The following SLC39A10 variants were observed in gnomAD, a reference collection of about 807,000 sequenced individuals.
The protein encoded by SLC39A10 is zinc transporter ZIP10.
Under a neutral mutation model 65.1 loss-of-function variants are expected in SLC39A10, and 13 were observed. The ratio of observed to expected loss-of-function variants is 0.20; its 90% CI spans 0.13 to 0.32. The LOEUF is 0.32. Among genes scored for constraint, SLC39A10 ranks in the 10% least tolerant of loss-of-function variants. The pLI, the probability that SLC39A10 is intolerant of heterozygous loss-of-function variation, is 1.00. For synonymous variants in SLC39A10, 321 were observed against 342.2 expected (o/e 0.94, Z 0.68); for missense variants, 831 against 1,018.4 (o/e 0.82, Z 2.50).
intron 8 of SLC39A10, among the ~76,000 whole-genome samples, chr2:195,725,060 A>G (rs1391954959): frequency 6.6e-6 from 1 of 152,186 alleles, no homozygotes; most frequent in East Asian, 1.9e-4. Flanking sequence ...CGCTGTAACA[A>G]TTGGACATCT....
In SLC39A10 at chr2:195,735,669, A is replaced by G. The variant is rs1333317272; in HGVS notation, c.*628A>G. 6.6e-6 allele frequency: 1 copy of G among 152,608 alleles called. No homozygotes were observed. The highest frequency in any genetic ancestry group is 1.5e-5 in the Non-Finnish European group (1 of 68,022). The allele number at this position is 152,608 out of a possible 1,614,324, so 9.5% of individuals were successfully genotyped here. On this transcript the variant is annotated 3_prime_UTR_variant, in exon 10 of 10. Coordinates refer to ENST00000359634, the MANE Select transcript of SLC39A10 (RefSeq NM_020342.3). Reference sequence around the variant, plus strand: ...TGCATAGTGTTTAAACCTGCAGCCTAAACTACTGAAATTTGTGATTGTATG... The same window carrying G: ...TGCATAGTGTTTAAACCTGCAGCCTGAACTACTGAAATTTGTGATTGTATG...
chr2:195,684,645 C>A (rs1312169952), intron 3 of SLC39A10, among the ~76,000 whole-genome samples: 1 of 151,332 alleles, frequency 6.6e-6, no homozygotes, highest in East Asian at 1.9e-4. Context: ...TTTTCCCATT[C>A]TATAATCAGG....
At chr2:195,630,101 A>G (rs1188550220) in intron 2 of SLC39A10, among the ~76,000 whole-genome samples, 5 of 81,314 alleles carry the variant, frequency 6.1e-5, no homozygotes, top group African/African-American at 3.1e-4. Flanking sequence ...AACTCATTTT[A>G]TATGTGTGTG....
At chr2:195,642,815 T>C (rs1223725472) in intron 2 of SLC39A10, among the ~76,000 whole-genome samples, 1 of 152,058 alleles carries the variant, frequency 6.6e-6, no homozygotes, top group Non-Finnish European at 1.5e-5. Flanking sequence ...TAGAGTAGAA[T>C]AATATATAAG....
intron 3 of SLC39A10, among the ~76,000 whole-genome samples, chr2:195,686,511 C>G (rs1690532941): frequency 6.6e-6 from 1 of 152,200 alleles, no homozygotes; most frequent in Non-Finnish European, 1.5e-5. Context: ...GATCACGCCA[C>G]TGCACTCCAG....
intron 8 of SLC39A10, among the ~76,000 whole-genome samples, chr2:195,719,247 C>T (rs527491554): frequency 6.6e-6 from 1 of 151,226 alleles, no homozygotes; most frequent in Non-Finnish European, 1.5e-5. Context: ...CGCTTTGATT[C>T]GCTTTCCTGA....
chr2:195,624,981 G>A (rs1212396873), intron 2 of SLC39A10, among the ~76,000 whole-genome samples: 1 of 151,048 alleles, frequency 6.6e-6, no homozygotes, highest in African/African-American at 2.4e-5. Context: ...GAAAGACCGA[G>A]GCGGGTGGAT....
intron 5 of SLC39A10, among the ~76,000 whole-genome samples, chr2:195,710,003 A>G (rs1355169883): frequency 6.6e-6 from 1 of 152,204 alleles, no homozygotes; most frequent in Non-Finnish European, 1.5e-5. Flanking sequence ...GGAAGAAAAT[A>G]AAATGAAATG....
At chr2:195,661,647 G>A (rs1425368795) in intron 1 of SLC39A10, among the ~76,000 whole-genome samples, 1 of 152,124 alleles carries the variant, frequency 6.6e-6, no homozygotes, top group Admixed American at 6.6e-5. Context: ...ATTCTGTGTC[G>A]AATACTGTTT....
chr2:195,727,710 A>T (rs1692295668), intron 8 of SLC39A10, among the ~76,000 whole-genome samples: 1 of 152,140 alleles, frequency 6.6e-6, no homozygotes, highest in Non-Finnish European at 1.5e-5. Context: ...TTTGACATTT[A>T]AGTTGTACAG....
At chr2:195,619,114 A>AAAAAAAGAG (rs1553490931) in intron 2 of SLC39A10, among the ~76,000 whole-genome samples, 8 of 131,974 alleles carry the variant, frequency 6.1e-5, no homozygotes, top group African/African-American at 2.5e-4. Context: ...AAAAAAAAAA[A>AAAAAAAGAG]AGAGAGAGAG....
At chr2:195,711,372 G>T (rs551345520) in intron 5 of SLC39A10, among the ~76,000 whole-genome samples, 1 of 152,238 alleles carries the variant, frequency 6.6e-6, no homozygotes, top group Non-Finnish European at 1.5e-5. Flanking sequence ...TACAAGAATG[G>T]AGTCACCAAA....
rs11356816 is a variant in SLC39A10 at position 195,644,143 on chromosome 2, ATTT to A, written c.-11-35874_-11-35872del. ...ATTTAATTAGGTTAAATGTACATTCATTTTTTTTTTTTTTTTTAATTTCCTTCC... is the reference window on the plus strand; with the variant it reads ...ATTTAATTAGGTTAAATGTACATTCATTTTTTTTTTTTTTAATTTCCTTCC... On this transcript the variant is annotated intron_variant, in intron 2 of 2. Coordinates refer to the SLC39A10 transcript ENST00000458054. Among the ~76,000 whole-genome samples, 1,237 of 145,004 alleles carry A rather than the reference ATTT, an allele frequency of 8.5e-3. 3 individuals carry two copies. Among genetic ancestry groups the A allele is most frequent in the East Asian group, 0.031 (152 of 4,972 alleles).
intron 2 of SLC39A10, among the ~76,000 whole-genome samples, chr2:195,641,880 C>T (rs753980720): frequency 1.3e-5 from 2 of 151,938 alleles, no homozygotes; most frequent in African/African-American, 2.4e-5. Context: ...TTAGTAGAGA[C>T]GGGTTTTCAC....
intron 5 of SLC39A10, among the ~76,000 whole-genome samples, chr2:195,712,296 C>A (rs1691626212): frequency 6.6e-6 from 1 of 152,214 alleles, no homozygotes; most frequent in Non-Finnish European, 1.5e-5. Flanking sequence ...ACTTCTCCTG[C>A]ATTCTATTGA....
intron 2 of SLC39A10, among the ~76,000 whole-genome samples, chr2:195,615,919 C>T (rs530488354): frequency 2.6e-5 from 4 of 152,296 alleles, no homozygotes; most frequent in African/African-American, 9.6e-5. Flanking sequence ...TTTATCTTAA[C>T]CTCCTTGATT....
intron 5 of SLC39A10, 32 bp from the exon 6 acceptor site, chr2:195,713,401 A>C: frequency 6.7e-7 from 1 of 1,486,624 alleles, no homozygotes; most frequent in Non-Finnish European, 9.0e-7. Flanking sequence ...ATTTTATACT[A>C]ATATCAGATA....
intron 1 of SLC39A10, among the ~76,000 whole-genome samples, chr2:195,661,992 C>G (rs1278386412): frequency 6.6e-6 from 1 of 152,122 alleles, no homozygotes; most frequent in Non-Finnish European, 1.5e-5. Flanking sequence ...ATATACTCGA[C>G]TTTGGGGGAC....
At chr2:195,691,953 A>G (rs138993970) in intron 3 of SLC39A10, among the ~76,000 whole-genome samples, 4 of 152,146 alleles carry the variant, frequency 2.6e-5, no homozygotes, top group African/African-American at 9.6e-5. Flanking sequence ...GCCAATGTCT[A>G]GAAGGGTGTT....
Sources: gnomAD v4.1 joint callset for allele counts (sites outside exome capture counted in the v4.1 genomes callset) on GRCh38, gnomAD v4.1.1 for gene constraint, MANE v1.5 for transcripts, NCBI Gene and HGNC (gene_info 2026-07-23, HGNC 2026-07-21) for gene names.